Variants in USP40 observed in about 807,000 individuals in gnomAD.
The protein encoded by USP40 is ubiquitin carboxyl-terminal hydrolase 40.
USP40 carries 143 observed loss-of-function variants against 166.2 expected under a neutral mutation model. The observed-to-expected ratio is 0.86, with a 90% CI of 0.75 to 0.99. The LOEUF is 0.99. Ranked by LOEUF, USP40 falls within the 50% of genes least tolerant of loss-of-function variation. The pLI, the probability that USP40 is intolerant of heterozygous loss-of-function variation, is 0.00. For missense variants in USP40, 1,444 were observed against 1,479.7 expected, an observed-to-expected ratio of 0.98 and a Z score of 0.40; for synonymous variants, 498 against 524.0, an observed-to-expected ratio of 0.95 and a Z score of 0.68.
At chr2:233,481,668 A>T (rs2064601821) in intron 30 of USP40, 2 of 235,148 alleles carry the variant, frequency 8.5e-6, no homozygotes, top group African/African-American at 4.6e-5. Flanking sequence ...TACTTTATAG[A>T]CACCGTCAGT....
intron 3 of USP40, chr2:233,560,799 A>ATTTTTTTTTTTTTT: frequency 2.2e-6 from 1 of 458,528 alleles, no homozygotes; most frequent in Non-Finnish European, 3.9e-6. Context: ...ACTAGCCTCT[A>ATTTTTTTTTTTTTT]TTTTTTTTTG....
At chr2:233,550,595 C>CT (rs2070461041) in intron 7 of USP40, among the ~76,000 whole-genome samples, 1 of 151,686 alleles carries the variant, frequency 6.6e-6, no homozygotes, top group Non-Finnish European at 1.5e-5. Flanking sequence ...AAAAAGATTA[C>CT]TTTTTTTACA....
intron 7 of USP40, among the ~76,000 whole-genome samples, chr2:233,551,013 TA>T (rs1342593816): frequency 6.6e-6 from 1 of 152,242 alleles, no homozygotes; most frequent in Non-Finnish European, 1.5e-5. Flanking sequence ...GAACTGGGAA[TA>T]AATCTATACT....
chr2:233,548,034 GGAATA>G (rs1178047119), intron 8 of USP40, among the ~76,000 whole-genome samples: 1 of 151,890 alleles, frequency 6.6e-6, no homozygotes, highest in African/African-American at 2.4e-5. Flanking sequence ...AATGAACAAT[GGAATA>G]GAATAGAGAG....
intron 4 of USP40, among the ~76,000 whole-genome samples, chr2:233,557,916 G>C (rs965001555): frequency 4.6e-5 from 7 of 151,408 alleles, no homozygotes; most frequent in Admixed American, 2.0e-4. Flanking sequence ...GGGAGGCCGA[G>C]GCAGCAGGAT....
At chr2:233,478,746 C>A (rs1381960484) in intron 31 of USP40, among the ~76,000 whole-genome samples, 1 of 152,224 alleles carries the variant, frequency 6.6e-6, no homozygotes, top group Non-Finnish European at 1.5e-5. Flanking sequence ...CACGCTCCCA[C>A]CATGAGACGG....
At chr2:233,531,596 T>C (rs1182948855) in intron 11 of USP40, among the ~76,000 whole-genome samples, 10 of 152,250 alleles carry the variant, frequency 6.6e-5, no homozygotes, top group African/African-American at 1.9e-4. Flanking sequence ...ACCAGAACCA[T>C]TTCCATATCT....
At chr2:233,557,880 G>C (rs1449497977) in intron 4 of USP40, among the ~76,000 whole-genome samples, 1 of 151,818 alleles carries the variant, frequency 6.6e-6, no homozygotes, top group African/African-American at 2.4e-5. Context: ...AAGAGCAATA[G>C]CTCATGCCTA....
chr2:233,480,014 A>G lies in USP40; in HGVS notation c.3599+1189T>C, dbSNP rs1163102172. Among the ~76,000 whole-genome samples the G allele has an allele frequency of 2.6e-5, 4 of 151,842 alleles. No individual in the cohort carries two copies. The highest frequency in any genetic ancestry group is 4.4e-5 in the Non-Finnish European group (3 of 67,946). On this transcript the variant is annotated intron_variant, in intron 31 of 31. Transcript: ENST00000678225. This position sits in a 1 kb window ranked among gnomAD's most constrained non-coding sequence, Gnocchi z 4.5. ...TACTTCTACCTCCTAGAATCCACTCACCACAAAGCAGCCAGTGATCATGTC... is the reference window on the plus strand; with the variant it reads ...TACTTCTACCTCCTAGAATCCACTCGCCACAAAGCAGCCAGTGATCATGTC...
chr2:233,486,045 T>C lies in USP40; in HGVS notation c.3198-68A>G. 1 of 1,479,314 alleles carries C rather than the reference T, an allele frequency of 6.8e-7. No homozygotes were observed. Among genetic ancestry groups the C allele is most frequent in the African/African-American group, 1.4e-5 (1 of 70,016 alleles). The allele number at this position is 1,479,314 out of a possible 1,614,324, so 91.6% of individuals were successfully genotyped here. A position where few individuals can be genotyped will look rare whatever the true frequency, so the allele number is the denominator to read the frequency against. ...CAAAACCACGTGGTAACTTGAGGCA[T>C]AATGGGCAAAGCTTCTCCTCCAGCT... On this transcript the variant is annotated intron_variant, in intron 28 of 31. Transcript: ENST00000678225. This position sits in a 1 kb window ranked among gnomAD's most constrained non-coding sequence, Gnocchi z 4.0.
At chr2:233,543,303 T>TA (rs2069597359) in intron 8 of USP40, among the ~76,000 whole-genome samples, 1 of 152,150 alleles carries the variant, frequency 6.6e-6, no homozygotes, top group African/African-American at 2.4e-5. Context: ...GCTACAAAAT[T>TA]ACTAAAAATG....
intron 24 of USP40, among the ~76,000 whole-genome samples, chr2:233,494,156 T>C (rs932584794): frequency 6.6e-6 from 1 of 152,210 alleles, no homozygotes; most frequent in African/African-American, 2.4e-5. Flanking sequence ...ACATTTTAAA[T>C]AGATAGTTCA....
chr2:233,513,920 T>A (rs1010451998), intron 18 of USP40, among the ~76,000 whole-genome samples: 1 of 152,192 alleles, frequency 6.6e-6, no homozygotes, highest in Admixed American at 6.5e-5. Flanking sequence ...AGTTCTAACT[T>A]TATTAGACCA....
intron 13 of USP40, among the ~76,000 whole-genome samples, chr2:233,525,942 T>C (rs2067993459): frequency 6.6e-6 from 1 of 152,212 alleles, no homozygotes; most frequent in African/African-American, 2.4e-5. Flanking sequence ...GAGGGAAATG[T>C]AGCCCTGACT....
intron 1 of USP40, 96 bp downstream of exon 1, chr2:233,566,588 C>T (rs143663553): frequency 2.8e-6 from 2 of 718,280 alleles, no homozygotes; most frequent in Non-Finnish European, 3.4e-6. Context: ...CAGGCCTGGG[C>T]AGCCTCTCGC....
At chr2:233,566,137 G>A (rs2072121347) in intron 1 of USP40, among the ~76,000 whole-genome samples, 1 of 151,230 alleles carries the variant, frequency 6.6e-6, no homozygotes, top group South Asian at 2.1e-4. Flanking sequence ...CTGTTGGGCC[G>A]GAAGTCAGTT....
At chr2:233,543,779 A>T (rs778333393) in intron 8 of USP40, among the ~76,000 whole-genome samples, 13 of 152,216 alleles carry the variant, frequency 8.5e-5, no homozygotes, top group Non-Finnish European at 1.5e-4. Flanking sequence ...CAAATTACCC[A>T]GCCTAAGTGT....
chr2:233,505,745 A>C (rs557868072), intron 21 of USP40, among the ~76,000 whole-genome samples: 1 of 152,212 alleles, frequency 6.6e-6, no homozygotes, highest in African/African-American at 2.4e-5. Flanking sequence ...CCAAACATTT[A>C]AAGAATATCA....
rs1297016705 is a variant in USP40, at chr2:233,481,217, C to T, written c.3585G>A (p.Leu1195=). 1.9e-6 allele frequency: 3 copies of T among 1,606,098 alleles called. No individual in the cohort carries two copies. Among genetic ancestry groups the T allele is most frequent in the Non-Finnish European group, 1.7e-6 (2 of 1,175,954 alleles). ...TGKEKQKQRA[L]GRRKSQEALH... ...CCAGCAATTACCTTTTCCTTCTCCC[C>T]AGGGCCCGTTGTTTCTGCTTTTCTT... Residue 1195 remains leucine, a synonymous_variant, in exon 31 of 32, where the codon CTG becomes CTA. Transcript: ENST00000678225.
Sources: allele counts gnomAD v4.1 joint callset (sites outside exome capture counted in the v4.1 genomes callset), GRCh38; gene constraint gnomAD v4.1.1; non-coding constraint Gnocchi (gnomAD v3.1); transcripts MANE v1.5; gene names NCBI Gene and HGNC (gene_info 2026-07-23, HGNC 2026-07-21).